ENOX1: variants seen among roughly 807,000 people sequenced by gnomAD.
The protein encoded by ENOX1 is ecto-NOX disulfide-thiol exchanger 1.
ENOX1 carries 42 observed loss-of-function variants against 82.5 expected under a neutral mutation model. The ratio of observed to expected loss-of-function variants is 0.51; its 90% CI spans 0.40 to 0.66. ENOX1 has a LOEUF of 0.66. ENOX1 is among the 30% of genes least tolerant of loss of function. ENOX1 has a pLI of 0.00. For missense variants in ENOX1, 608 were observed against 811.6 expected (o/e 0.75, Z 3.05); for synonymous variants, 271 against 282.2 (o/e 0.96, Z 0.40).
At chr13:43,458,536 A>C (rs2153635929) in intron 3 of ENOX1, 1 of 152,342 alleles carries the variant, frequency 6.6e-6, no homozygotes, top group Admixed American at 6.5e-5. Context: ...GAGCTCTTAC[A>C]GAAAATTGAG....
intron 1 of ENOX1, among the ~76,000 whole-genome samples, chr13:43,770,303 G>C (rs1431885183): frequency 1.3e-5 from 2 of 152,326 alleles, no homozygotes; most frequent in African/African-American, 4.8e-5. Flanking sequence ...AGTAGAAGGA[G>C]TAAAAGAAGA....
intron 1 of ENOX1, among the ~76,000 whole-genome samples, chr13:43,741,714 C>T (rs1008943600): frequency 2.6e-5 from 4 of 152,094 alleles, no homozygotes; most frequent in African/African-American, 9.7e-5. Flanking sequence ...TTATGGTGTG[C>T]TTTAAAACAC....
intron 1 of ENOX1, among the ~76,000 whole-genome samples, chr13:43,763,016 C>T (rs910113697): frequency 2.0e-5 from 3 of 152,150 alleles, no homozygotes; most frequent in Non-Finnish European, 4.4e-5. Context: ...ATTGAATCTT[C>T]TTCATATTTA....
At chr13:43,419,964 C>T (rs932354781) in intron 3 of ENOX1, among the ~76,000 whole-genome samples, 7 of 152,122 alleles carry the variant, frequency 4.6e-5, no homozygotes, top group African/African-American at 1.4e-4. Context: ...GAGTGAAACT[C>T]CATCTCAAAA....
rs374039848 is a variant in ENOX1, at chr13:43,553,256, T to C, written c.-218-69104A>G. 8.5e-5 allele frequency among the ~76,000 whole-genome samples: 13 copies of C among 152,290 alleles called. No individual in the cohort carries two copies. The East Asian group carries it at 1.3e-3, about 16-fold the overall frequency. On this transcript the variant is annotated intron_variant, in intron 2 of 16. Coordinates refer to ENST00000690772, the MANE Select transcript of ENOX1 (RefSeq NM_001347969.2). The stretch of plus-strand genomic sequence containing the variant: ...ATAACACCAATTCATATGTGCTGAA[T>C]TGGGAAATCTTGCATTGAGCAGTCA...
intron 5 of ENOX1, among the ~76,000 whole-genome samples, chr13:43,361,956 C>T (rs1026794290): frequency 3.6e-4 from 52 of 145,914 alleles, no homozygotes; most frequent in Non-Finnish European, 6.4e-4. Context: ...TCAGGTCCCA[C>T]CTAACCTATT....
At chr13:43,462,337 A>G (rs2057523749) in intron 3 of ENOX1, among the ~76,000 whole-genome samples, 1 of 152,154 alleles carries the variant, frequency 6.6e-6, no homozygotes, top group Non-Finnish European at 1.5e-5. Flanking sequence ...ATTTATTCCA[A>G]TAGCTGGTCT....
At chr13:43,743,328 G>A (rs1041411368) in intron 1 of ENOX1, among the ~76,000 whole-genome samples, 2 of 152,106 alleles carry the variant, frequency 1.3e-5, no homozygotes, top group African/African-American at 4.8e-5. Flanking sequence ...ACAAGACAGT[G>A]GAGAAAACAT....
intron 3 of ENOX1, among the ~76,000 whole-genome samples, chr13:43,434,165 G>A (rs1004967562): frequency 1.3e-5 from 2 of 152,174 alleles, no homozygotes; most frequent in African/African-American, 4.8e-5. Flanking sequence ...GGTCACCCTG[G>A]TGACAACCAT....
At chr13:43,439,142 C>T (rs1006911942) in intron 3 of ENOX1, among the ~76,000 whole-genome samples, 10 of 151,056 alleles carry the variant, frequency 6.6e-5, no homozygotes, top group East Asian at 1.9e-4. Flanking sequence ...TCCCACCTCC[C>T]GGGTTCAAGC....
intron 12 of ENOX1, among the ~76,000 whole-genome samples, chr13:43,274,483 G>T (rs571115821): frequency 1.3e-5 from 2 of 152,342 alleles, no homozygotes; most frequent in Non-Finnish European, 2.9e-5. Context: ...GATGATTTAA[G>T]TCAGCCTTTC....
intron 1 of ENOX1, among the ~76,000 whole-genome samples, chr13:43,684,937 G>A (rs1202261494): frequency 6.6e-6 from 1 of 152,060 alleles, no homozygotes; most frequent in African/African-American, 2.4e-5. Flanking sequence ...ATAAATATTT[G>A]AACTTTGTAA....
At chr13:43,703,496 A>C (rs754185105) in intron 1 of ENOX1, among the ~76,000 whole-genome samples, 7 of 152,140 alleles carry the variant, frequency 4.6e-5, no homozygotes, top group Non-Finnish European at 1.0e-4. Context: ...ACCTCTCTGA[A>C]GCGTCTCTGG....
chr13:43,460,917 C>A (rs908993974), intron 3 of ENOX1, among the ~76,000 whole-genome samples: 10 of 150,130 alleles, frequency 6.7e-5, no homozygotes, highest in Non-Finnish European at 4.4e-5. Context: ...GAAACCTGCA[C>A]CAGAGAGCTG....
At chr13:43,644,161 T>A (rs2083789607) in intron 2 of ENOX1, among the ~76,000 whole-genome samples, 2 of 152,228 alleles carry the variant, frequency 1.3e-5, no homozygotes, top group Admixed American at 6.5e-5. Flanking sequence ...TTATCATTAT[T>A]TCTTAGTACC....
chr13:43,369,076 T>C (rs1323751530), intron 5 of ENOX1, among the ~76,000 whole-genome samples: 1 of 152,124 alleles, frequency 6.6e-6, no homozygotes, highest in Non-Finnish European at 1.5e-5. Flanking sequence ...ATCCCTAATA[T>C]GTTGACTTCG....
chr13:43,718,405 T>C (rs1177642414), intron 1 of ENOX1, among the ~76,000 whole-genome samples: 1 of 151,912 alleles, frequency 6.6e-6, no homozygotes, highest in Non-Finnish European at 1.5e-5. Flanking sequence ...GAAGAGGGGA[T>C]GGGTTGAAAA....
rs191140347 is a variant in ENOX1, at chr13:43,388,493, G to A, written c.208+23423C>T. 8.8e-4 allele frequency among the ~76,000 whole-genome samples: 134 copies of A among 152,286 alleles called. 2 individuals are homozygous for A. The Middle Eastern group carries it at 0.02, about 23-fold the overall frequency. On this transcript the variant is annotated intron_variant, in intron 5 of 16. Coordinates refer to ENST00000690772, the MANE Select transcript of ENOX1 (RefSeq NM_001347969.2). ...GACAGTATTAATCATGCACCTATAT[G>A]TGGCTAGCACTGCACTAGGAAGTGT... is the stretch of plus-strand genomic sequence containing the variant.
intron 11 of ENOX1, among the ~76,000 whole-genome samples, chr13:43,313,093 A>T (rs971809389): frequency 6.6e-6 from 1 of 152,204 alleles, no homozygotes; most frequent in Non-Finnish European, 1.5e-5. Flanking sequence ...CATTGGTGCC[A>T]TAACAGGGTC....
Sources: allele counts gnomAD v4.1 joint callset (sites outside exome capture counted in the v4.1 genomes callset), GRCh38; gene constraint gnomAD v4.1.1; transcripts MANE v1.5; gene names NCBI Gene and HGNC (gene_info 2026-07-23, HGNC 2026-07-21).